The following CFAP95 variants were observed in gnomAD, a reference collection of about 807,000 sequenced individuals.
CFAP95 encodes cilia and flagella associated protein 95.
At chr9:69,886,806 T>C in the CFAP95 span, 1 of 1,568,536 alleles carries the variant, frequency 6.4e-7, no homozygotes, top group Non-Finnish European at 8.7e-7. Context: ...GTTTTTGAAG[T>C]CATTCTTTCC....
At chr9:69,842,337 C>A in the CFAP95 span, among the ~76,000 whole-genome samples, 7 of 152,082 alleles carry the variant, frequency 4.6e-5, no homozygotes, top group Non-Finnish European at 8.8e-5. Context: ...AGGATGGCAA[C>A]AAAGATGGAT....
the CFAP95 span, among the ~76,000 whole-genome samples, chr9:69,837,575 G>A: frequency 6.6e-6 from 1 of 152,116 alleles, no homozygotes; most frequent in Non-Finnish European, 1.5e-5. Context: ...TTTTGATGGG[G>A]TTGTTTGTTT....
the CFAP95 span, chr9:69,858,129 C>T: frequency 6.4e-6 from 4 of 628,606 alleles, no homozygotes; most frequent in South Asian, 7.6e-5. Context: ...ATGTTTTCTC[C>T]TTTCACATGC....
the CFAP95 span, among the ~76,000 whole-genome samples, chr9:69,847,468 A>T: frequency 6.6e-6 from 1 of 152,156 alleles, no homozygotes; most frequent in Non-Finnish European, 1.5e-5. Context: ...ACTTTTCCAA[A>T]CTGCCTCTTG....
At chr9:69,840,590 G>C in the CFAP95 span, among the ~76,000 whole-genome samples, 2 of 151,988 alleles carry the variant, frequency 1.3e-5, no homozygotes, top group Admixed American at 6.5e-5. Flanking sequence ...TCAGTCTCCT[G>C]TTTCCTTTAG....
chr9:69,820,995 A>G, the CFAP95 span: 1 of 1,613,880 alleles, frequency 6.2e-7, no homozygotes, highest in African/African-American at 1.3e-5. Flanking sequence ...CGCTCCCATC[A>G]CAAGAAATAC....
the CFAP95 span, chr9:69,886,826 T>C: frequency 6.2e-7 from 1 of 1,608,822 alleles, no homozygotes; most frequent in Non-Finnish European, 8.5e-7. Context: ...CTCATTGACT[T>C]ATCCCTCTTA....
the CFAP95 span, among the ~76,000 whole-genome samples, chr9:69,843,503 CCCCCTCCTCCTCCT>C: frequency 3.8e-3 from 23 of 5,992 alleles, 4 homozygotes; most frequent in African/African-American, 0.013. Context: ...CTCCTCCTCC[CCCCCTCCTCCTCCT>C]CCTCCTCCTC....
At chr9:69,886,661 C>G in the CFAP95 span, among the ~76,000 whole-genome samples, 3 of 152,108 alleles carry the variant, frequency 2.0e-5, no homozygotes, top group African/African-American at 7.2e-5. Context: ...AAGGGGTACC[C>G]TGCTGCTGGT....
chr9:69,844,494 C>T, the CFAP95 span: 72 of 1,484,848 alleles, frequency 4.8e-5, no homozygotes, highest in East Asian at 5.5e-4. Flanking sequence ...CATCTCTTAA[C>T]GGACTCCTAA....
chr9:69,838,160 T>C, the CFAP95 span, among the ~76,000 whole-genome samples: 1 of 152,236 alleles, frequency 6.6e-6, no homozygotes, highest in African/African-American at 2.4e-5. Flanking sequence ...TGAAGTCAGG[T>C]AGCGTGATGC....
At chr9:69,886,894 A>G in the CFAP95 span, 9 of 1,611,142 alleles carry the variant, frequency 5.6e-6, no homozygotes, top group Non-Finnish European at 6.8e-6. Context: ...TATCAGCCAC[A>G]TGTGAGTACA....
the CFAP95 span, among the ~76,000 whole-genome samples, chr9:69,853,300 A>G: frequency 6.6e-6 from 1 of 152,212 alleles, no homozygotes; most frequent in Admixed American, 6.5e-5. Flanking sequence ...TTTACTTCCC[A>G]TAAGTGCAGC....
chr9:69,887,011 A>G, the CFAP95 span: 2 of 720,956 alleles, frequency 2.8e-6, no homozygotes, highest in Non-Finnish European at 4.6e-6. Context: ...GATATTTTAC[A>G]TTTATTTTGA....
chr9:69,838,505 G>C, the CFAP95 span, among the ~76,000 whole-genome samples: 1 of 151,542 alleles, frequency 6.6e-6, no homozygotes, highest in Non-Finnish European at 1.5e-5. Context: ...TTGTGAATGG[G>C]AGTTCACTCA....
At chr9:69,824,708 T>C in the CFAP95 span, among the ~76,000 whole-genome samples, 1 of 152,204 alleles carries the variant, frequency 6.6e-6, no homozygotes, top group African/African-American at 2.4e-5. Flanking sequence ...TATAGTGTAG[T>C]TGGCAGTGAT....
the CFAP95 span, among the ~76,000 whole-genome samples, chr9:69,878,184 TC>T: frequency 9.2e-5 from 14 of 152,208 alleles, no homozygotes; most frequent in Non-Finnish European, 1.9e-4. Context: ...AGCCCTAGGA[TC>T]CTTATTTTCT....
At chr9:69,895,612 T>C in the CFAP95 span, among the ~76,000 whole-genome samples, 1 of 152,180 alleles carries the variant, frequency 6.6e-6, no homozygotes, top group African/African-American at 2.4e-5. Flanking sequence ...AATTAAATGT[T>C]AATTATACTT....
At chr9:69,905,917 C>T in the CFAP95 span, 22 of 1,389,532 alleles carry the variant, frequency 1.6e-5, no homozygotes, top group Non-Finnish European at 2.1e-5. Flanking sequence ...TTACATACTT[C>T]AGTTATTAAA....
Sources: gnomAD v4.1 joint callset for allele counts (sites outside exome capture counted in the v4.1 genomes callset) on GRCh38, gnomAD v4.1.1 for gene constraint, MANE v1.5 for transcripts, NCBI Gene and HGNC (gene_info 2026-07-23, HGNC 2026-07-21) for gene names.